Variants in SLC25A21 observed in about 807,000 individuals in gnomAD.
SLC25A21 encodes mitochondrial 2-oxodicarboxylate carrier.
Under a neutral mutation model 43.8 loss-of-function variants are expected in SLC25A21, and 47 were observed. That is an observed-to-expected ratio of 1.07 (90% CI 0.85 to 1.37). The LOEUF (loss-of-function observed/expected upper bound fraction) is 1.37, where lower values mean the gene tolerates loss of function less well. Among genes scored for constraint, SLC25A21 ranks in the 40% most tolerant of loss-of-function variants. The pLI is 0.00. For synonymous variants in SLC25A21, 131 were observed against 121.3 expected (o/e 1.08, Z -0.52); for missense variants, 352 against 350.2 (o/e 1.00, Z -0.04).
At chr14:37,115,776 T>C (rs17106347) in intron 1 of SLC25A21, among the ~76,000 whole-genome samples, 20,954 of 152,160 alleles carry the variant, frequency 0.14, 3,279 homozygotes, top group African/African-American at 0.36. Flanking sequence ...TCAACTTCAA[T>C]GAATTGCTTC....
At chr14:36,862,677 G>A (rs1317923951) in intron 2 of SLC25A21, among the ~76,000 whole-genome samples, 1 of 152,112 alleles carries the variant, frequency 6.6e-6, no homozygotes, top group African/African-American at 2.4e-5. Flanking sequence ...GTTGATGGGT[G>A]CAGCAAACCA....
chr14:36,840,672 A>T (rs1392690359), intron 2 of SLC25A21, among the ~76,000 whole-genome samples: 1 of 152,218 alleles, frequency 6.6e-6, no homozygotes, highest in Non-Finnish European at 1.5e-5. Flanking sequence ...TTGCTATCTA[A>T]AAGTTTTCCC....
In SLC25A21 at chr14:36,679,458, T is replaced by C; in HGVS notation, c.*1200A>G. 1 of 985,450 alleles carries C rather than the reference T, an allele frequency of 1.0e-6. No individual in the cohort carries two copies. The highest frequency in any genetic ancestry group is 1.2e-6 in the Non-Finnish European group (1 of 829,914). 61.0% of individuals were successfully genotyped at this position (985,450 alleles called of 1,614,324 possible). A position where few individuals can be genotyped will look rare whatever the true frequency, so the allele number is the denominator to read the frequency against. ...GTAGTAACTTAGGACAGGTGTCATATGGACTTTCAGTTATTCTTGTTGACT... is the reference window on the plus strand; with the variant it reads ...GTAGTAACTTAGGACAGGTGTCATACGGACTTTCAGTTATTCTTGTTGACT... On this transcript the variant is annotated 3_prime_UTR_variant, in exon 10 of 10. Transcript: ENST00000331299.
In SLC25A21 at chr14:37,134,751, G is replaced by A. The variant is rs547147248; in HGVS notation, c.70+37530C>T. Among the ~76,000 whole-genome samples, 30 of 152,128 alleles carry A rather than the reference G, an allele frequency of 2.0e-4. No individual in the cohort carries two copies. In the South Asian group the frequency reaches 4.6e-3, roughly 23 times the overall value. ...CAGAAAAAATGTTGAAATATAGGGA[G>A]TTACCAGATGAATTCCCTTGAAACG... On this transcript the variant is annotated intron_variant, in intron 1 of 9. Transcript: ENST00000331299.
chr14:37,070,630 T>C (rs990711431), intron 1 of SLC25A21, among the ~76,000 whole-genome samples: 1 of 152,236 alleles, frequency 6.6e-6, no homozygotes, highest in Non-Finnish European at 1.5e-5. Context: ...TAACTTTCTC[T>C]GTACCCTCTC....
chr14:36,903,423 C>A (rs1891447858), intron 1 of SLC25A21, among the ~76,000 whole-genome samples: 1 of 151,604 alleles, frequency 6.6e-6, no homozygotes, highest in African/African-American at 2.4e-5. Context: ...ACCAGCCTGG[C>A]CAACATGGTG....
At chr14:36,731,774 A>G (rs1399001963) in intron 4 of SLC25A21, among the ~76,000 whole-genome samples, 1 of 152,098 alleles carries the variant, frequency 6.6e-6, no homozygotes, top group Non-Finnish European at 1.5e-5. Context: ...GGGTCCCTCT[A>G]CAGATCTCAG....
chr14:36,868,167 G>A (rs935543635), intron 2 of SLC25A21, among the ~76,000 whole-genome samples: 3 of 152,076 alleles, frequency 2.0e-5, no homozygotes, highest in Admixed American at 1.3e-4. Context: ...TATTTGAACC[G>A]CTGGAGAGTA....
At chr14:36,799,944 G>A (rs1273679141) in intron 3 of SLC25A21, among the ~76,000 whole-genome samples, 1 of 152,092 alleles carries the variant, frequency 6.6e-6, no homozygotes, top group African/African-American at 2.4e-5. Context: ...GATTAACTAA[G>A]TACAATATTG....
At position 36,791,538 on chromosome 14, in the gene SLC25A21, C is replaced by A. The variant is rs150769403; in HGVS notation, c.203+22380G>T. Among the ~76,000 whole-genome samples, 115 of 152,228 alleles carry A rather than the reference C, an allele frequency of 7.6e-4. 2 individuals carry two copies. The highest frequency in any genetic ancestry group is 2.5e-3 in the African/African-American group (102 of 41,556). On this transcript the variant is annotated intron_variant, in intron 3 of 9. Coordinates refer to ENST00000331299, the MANE Select transcript of SLC25A21 (RefSeq NM_030631.4). ...TTGACAATCACATTTTAAACTGATT[C>A]TTTCCAGATGAAAAGATACTTTTTC...
chr14:36,826,237 A>G (rs780171318), intron 2 of SLC25A21, among the ~76,000 whole-genome samples: 3 of 152,098 alleles, frequency 2.0e-5, no homozygotes, highest in Non-Finnish European at 4.4e-5. Context: ...AAGGAGCCCA[A>G]TGTAGCATTT....
At chr14:36,794,111 G>C (rs1325720909) in intron 3 of SLC25A21, among the ~76,000 whole-genome samples, 1 of 152,128 alleles carries the variant, frequency 6.6e-6, no homozygotes, top group African/African-American at 2.4e-5. Context: ...TAAGGCACTT[G>C]CATAGATAAA....
chr14:36,800,917 C>T (rs1887848583), intron 3 of SLC25A21, among the ~76,000 whole-genome samples: 2 of 152,078 alleles, frequency 1.3e-5, no homozygotes, highest in African/African-American at 4.8e-5. Context: ...CATTGAAAAG[C>T]CCCTGGATGA....
At chr14:37,140,862 G>C (rs562775038) in intron 1 of SLC25A21, among the ~76,000 whole-genome samples, 2 of 151,768 alleles carry the variant, frequency 1.3e-5, no homozygotes, top group East Asian at 3.9e-4. Context: ...TAAGATCTTA[G>C]AGCTGGGCAC....
chr14:37,160,227 A>G (rs1175554430), intron 1 of SLC25A21, among the ~76,000 whole-genome samples: 2 of 152,244 alleles, frequency 1.3e-5, no homozygotes, highest in Non-Finnish European at 2.9e-5. Context: ...ATCTACCCAA[A>G]GGAAATGAAA....
At chr14:37,172,229 C>T (rs1250808077) in intron 1 of SLC25A21, 52 bp downstream of exon 1, 7 of 1,522,490 alleles carry the variant, frequency 4.6e-6, no homozygotes, top group Admixed American at 4.0e-5. Context: ...TTTCAGGACA[C>T]GCGGTGGGGA....
At chr14:37,100,305 G>T (rs79908775) in intron 1 of SLC25A21, among the ~76,000 whole-genome samples, 3 of 151,712 alleles carry the variant, frequency 2.0e-5, no homozygotes, top group Non-Finnish European at 2.9e-5. Context: ...GTGTTTCCCC[G>T]CCTCGGCCTC....
At chr14:37,051,696 G>A (rs968988632) in intron 1 of SLC25A21, among the ~76,000 whole-genome samples, 1 of 152,302 alleles carries the variant, frequency 6.6e-6, no homozygotes, top group East Asian at 1.9e-4. Context: ...GGGCAAGAAA[G>A]GGCCAGAGCT....
At chr14:37,126,264 T>C (rs1468870385) in intron 1 of SLC25A21, among the ~76,000 whole-genome samples, 4 of 152,092 alleles carry the variant, frequency 2.6e-5, no homozygotes, top group Non-Finnish European at 5.9e-5. Flanking sequence ...AGATCAACAG[T>C]ACAACATTAC....
Sources: allele counts gnomAD v4.1 joint callset (sites outside exome capture counted in the v4.1 genomes callset), GRCh38; gene constraint gnomAD v4.1.1; transcripts MANE v1.5; gene names NCBI Gene and HGNC (gene_info 2026-07-23, HGNC 2026-07-21).